FBN1: variants seen among roughly 807,000 people sequenced by gnomAD.
FBN1 encodes fibrillin 1.
FBN1 carries 29 observed loss-of-function variants against 365.1 expected under a neutral mutation model. That is an observed-to-expected ratio of 0.08 (90% CI 0.06 to 0.11). The LOEUF is 0.11. Ranked by LOEUF, FBN1 falls within the 10% of genes least tolerant of loss-of-function variation. The probability of loss-of-function intolerance (pLI) is 1.00; values close to 1 mark genes in which losing one functional copy is unlikely to be tolerated. For missense variants in FBN1, 2,476 were observed against 3,703.2 expected, an observed-to-expected ratio of 0.67 and a Z score of 8.60; for synonymous variants, 1,210 against 1,270.5, an observed-to-expected ratio of 0.95 and a Z score of 1.01.
chr15:48,559,161 G>T (rs2044204434), intron 6 of FBN1, among the ~76,000 whole-genome samples: 1 of 152,198 alleles, frequency 6.6e-6, no homozygotes, highest in East Asian at 1.9e-4. Context: ...CACTAGAAAA[G>T]GGAGTGAGAG....
chr15:48,433,064 C>A, intron 54 of FBN1, 76 bp from the exon 55 acceptor site: 2 of 1,555,678 alleles, frequency 1.3e-6, no homozygotes, highest in Non-Finnish European at 1.8e-6. Flanking sequence ...AACTAAAACT[C>A]TAAAACTTTA....
chr15:48,613,344 T>C (rs1404558220), intron 2 of FBN1, among the ~76,000 whole-genome samples: 1 of 152,224 alleles, frequency 6.6e-6, no homozygotes, highest in Admixed American at 6.5e-5. Context: ...ATACAAAATG[T>C]AGCACATTCT....
At chr15:48,463,052 A>G (rs1288133319) in intron 42 of FBN1, 30 bp downstream of exon 42, 1 of 1,608,322 alleles carries the variant, frequency 6.2e-7, no homozygotes, top group Non-Finnish European at 8.5e-7. Context: ...TTCAACCTAT[A>G]TTTTTGATAA....
At chr15:48,446,671 A>G (rs769954847) in intron 47 of FBN1, 35 bp downstream of exon 47, 1 of 1,260,436 alleles carries the variant, frequency 7.9e-7, no homozygotes, top group Non-Finnish European at 1.2e-6. Context: ...TATAAAACTG[A>G]CTTCCTTTGC....
rs529636860 is a variant in FBN1, at chr15:48,590,089, T to C, written c.538+6194A>G. ...GGAGAATGGGAGTTAGCCTGTGGCA[T>C]TACCTTGGGAACTTTAGTGATAGCC... On this transcript the variant is annotated intron_variant, in intron 6 of 65. Transcript: ENST00000316623. Among the ~76,000 whole-genome samples, 9 of 152,322 alleles carry C rather than the reference T, an allele frequency of 5.9e-5. No homozygotes were observed. The East Asian group carries it at 1.5e-3, about 26-fold the overall frequency.
intron 6 of FBN1, among the ~76,000 whole-genome samples, chr15:48,588,984 G>A (rs143555814): frequency 7.9e-5 from 12 of 152,326 alleles, no homozygotes; most frequent in Non-Finnish European, 1.6e-4. Context: ...ATTTGCTAAC[G>A]TGTCAATAGT....
rs2042871947 is a variant in FBN1, at chr15:48,412,582, G to T, written c.8213C>A (p.Ala2738Asp). 1.2e-6 allele frequency: 2 copies of T among 1,614,056 alleles called. No homozygotes were observed. Among genetic ancestry groups the T allele is most frequent in the Non-Finnish European group, 1.7e-6 (2 of 1,179,938 alleles). ...CTTCTGACCCACCTCGATATTGGAGGCATCAGTTTCGTTTGTGCTTCTCCG... is the reference window on the plus strand; with the variant it reads ...CTTCTGACCCACCTCGATATTGGAGTCATCAGTTTCGTTTGTGCTTCTCCG... Reference protein sequence around the residue: ...RKRRSTNETDASNIEDQSETE... With the variant: ...RKRRSTNETDDSNIEDQSETE... Residue 2738 changes from alanine (A) to aspartate (D), a missense_variant, in exon 65 of 66, where the codon GCC (alanine) becomes GAC (aspartate). This residue lies in a region of FBN1 where 177 missense variants were observed against 192.7 expected (regional missense o/e 0.92). Coordinates refer to ENST00000316623, the MANE Select transcript of FBN1 (RefSeq NM_000138.5).
intron 8 of FBN1, among the ~76,000 whole-genome samples, chr15:48,528,381 T>C (rs1250696019): frequency 3.3e-5 from 5 of 152,232 alleles, no homozygotes; most frequent in African/African-American, 1.2e-4. Context: ...AGTTTGCATG[T>C]GCTGAGTGCT....
At chr15:48,445,589 T>C in intron 47 of FBN1, 85 bp from the exon 48 acceptor site, 1 of 1,502,144 alleles carries the variant, frequency 6.7e-7, no homozygotes, top group Non-Finnish European at 9.2e-7. Context: ...AAAGAAAAAA[T>C]ACTTTTTCTG....
rs576597590 is a variant in FBN1 at position 48,432,815 on chromosome 15, C to T, written c.6739+51G>A. The stretch of plus-strand genomic sequence containing the variant: ...AAGGGAAGCTTTGAGGGACATCTCC[C>T]CTCACAGATAAAGCTTCCTGGCTTA... On this transcript the variant is annotated intron_variant, in intron 55 of 65. Transcript: ENST00000316623. The T allele has an allele frequency of 2.8e-5, 45 of 1,609,764 alleles. No homozygotes were observed. In the South Asian group the frequency reaches 4.6e-4, roughly 17 times the overall value.
Position 48,466,134 on chromosome 15 carries a change from C to T in FBN1, c.4748-276G>A, listed in dbSNP as rs995830170. 3.3e-5 allele frequency among the ~76,000 whole-genome samples: 5 copies of T among 152,282 alleles called. No individual in the cohort carries two copies. In the South Asian group the frequency reaches 6.2e-4, roughly 19 times the overall value. ...TGTGTGTGGACTGTTTTATACCTTA[C>T]CTTCATCCCTTATTTCTTTTTACAG... On this transcript the variant is annotated intron_variant, in intron 38 of 65. Transcript: ENST00000316623.
intron 32 of FBN1, among the ~76,000 whole-genome samples, chr15:48,480,763 G>A (rs73392176): frequency 0.015 from 2,315 of 152,232 alleles, 65 homozygotes; most frequent in African/African-American, 0.054. Context: ...ATAAGAGCTT[G>A]CCAAACTGGT....
chr15:48,456,942 C>A (rs1187717568), intron 43 of FBN1, among the ~76,000 whole-genome samples, 180 bp from the exon 44 acceptor site: 2 of 151,614 alleles, frequency 1.3e-5, no homozygotes, highest in African/African-American at 4.9e-5. Flanking sequence ...ATAACTAAAC[C>A]ACTTTCCAGA....
intron 50 of FBN1, 107 bp from the exon 51 acceptor site, chr15:48,438,024 G>A: frequency 8.7e-7 from 1 of 1,151,590 alleles, no homozygotes; most frequent in African/African-American, 1.5e-5. Context: ...CTCCTCTCAG[G>A]ACCACAGCAA....
chr15:48,435,772 A>ATGTGTGTG lies in FBN1; in HGVS notation c.6497-1067_6497-1060dup, dbSNP rs374043226. On this transcript the variant is annotated intron_variant, in intron 53 of 65. Transcript: ENST00000316623. ...TATATGTGTGTATATATATGTGTAT[A>ATGTGTGTG]TGTGTGTGTGTGTGTGTGTGTGTGT... 3.6e-3 allele frequency among the ~76,000 whole-genome samples: 386 copies of ATGTGTGTG among 106,320 alleles called. 4 individuals carry two copies. Among genetic ancestry groups the ATGTGTGTG allele is most frequent in the Middle Eastern group, 0.02 (4 of 202 alleles). 69.8% of individuals were successfully genotyped at this position (106,320 alleles called of 152,430 possible).
At chr15:48,558,726 C>T (rs748079764) in intron 6 of FBN1, among the ~76,000 whole-genome samples, 7 of 152,134 alleles carry the variant, frequency 4.6e-5, no homozygotes, top group South Asian at 2.1e-4. Context: ...TGTTCAAAGA[C>T]GCAAAGCCTG....
chr15:48,593,919 A>C (rs2044498362), intron 6 of FBN1, among the ~76,000 whole-genome samples: 1 of 152,290 alleles, frequency 6.6e-6, no homozygotes. Context: ...ATCCCAGTTA[A>C]AACAGAATAC....
chr15:48,589,556 C>T lies in FBN1; in HGVS notation c.538+6727G>A, dbSNP rs193258965. On this transcript the variant is annotated intron_variant, in intron 6 of 65. Coordinates refer to ENST00000316623, the MANE Select transcript of FBN1 (RefSeq NM_000138.5). ...ACAAATGTTGCAATACCACTGTAGACGCACAGTAACATTTAGGGCATTGTG... is the reference window on the plus strand; with the variant it reads ...ACAAATGTTGCAATACCACTGTAGATGCACAGTAACATTTAGGGCATTGTG... Among the ~76,000 whole-genome samples the T allele has an allele frequency of 1.3e-3, 195 of 151,706 alleles. 1 individual carries two copies. Among genetic ancestry groups the T allele is most frequent in the African/African-American group, 4.4e-3 (183 of 41,306 alleles).
intron 31 of FBN1, 98 bp downstream of exon 31, chr15:48,483,720 A>G (rs1186397359): frequency 5.0e-6 from 7 of 1,400,852 alleles, no homozygotes. Flanking sequence ...TACTTTTCCT[A>G]TGGAATCTTT....
Sources: allele counts gnomAD v4.1 joint callset (sites outside exome capture counted in the v4.1 genomes callset), GRCh38; gene constraint gnomAD v4.1.1; regional missense constraint gnomAD v4.1.1; transcripts MANE v1.5; gene names NCBI Gene and HGNC (gene_info 2026-07-23, HGNC 2026-07-21).